The following COX7B2 variants were observed in gnomAD, a reference collection of about 807,000 sequenced individuals.
The protein encoded by COX7B2 is cytochrome c oxidase subunit 7B2.
For synonymous variants in COX7B2, 37 were observed against 32.1 expected (o/e 1.15, Z -0.51); for missense variants, 109 against 95.9 (o/e 1.14, Z -0.57).
rs192808502 is a variant in COX7B2, at chr4:46,781,253, G to C, written c.-49-46012C>G. 5.5e-3 allele frequency among the ~76,000 whole-genome samples: 833 copies of C among 152,234 alleles called. 6 individuals carry two copies. The highest frequency in any genetic ancestry group is 8.7e-3 in the Non-Finnish European group (595 of 68,018). On this transcript the variant is annotated intron_variant, in intron 2 of 2. Coordinates refer to ENST00000355591, the MANE Select transcript of COX7B2 (RefSeq NM_130902.3). ...ATACCATTTAATATACTTATATACTGCTATTCGGATAATAGACCCCTTCCC... is the reference window on the plus strand; with the variant it reads ...ATACCATTTAATATACTTATATACTCCTATTCGGATAATAGACCCCTTCCC...
At chr4:46,775,366 G>T (rs897032472) in intron 2 of COX7B2, among the ~76,000 whole-genome samples, 1 of 152,008 alleles carries the variant, frequency 6.6e-6, no homozygotes, top group African/African-American at 2.4e-5. Context: ...TAACAAAATT[G>T]CAAAAAGTCA....
At chr4:46,828,167 G>A (rs980240726) in intron 2 of COX7B2, among the ~76,000 whole-genome samples, 6 of 152,080 alleles carry the variant, frequency 3.9e-5, no homozygotes, top group African/African-American at 9.7e-5. Flanking sequence ...GAAAACTTCT[G>A]CTCAATGTAA....
chr4:46,778,874 A>T (rs1232629248), intron 2 of COX7B2, among the ~76,000 whole-genome samples: 3 of 152,194 alleles, frequency 2.0e-5, no homozygotes, highest in Admixed American at 6.5e-5. Context: ...CTTTAAAACA[A>T]TAATATTTTA....
chr4:46,787,590 T>TA (rs1717818258), intron 2 of COX7B2, among the ~76,000 whole-genome samples: 6 of 152,304 alleles, frequency 3.9e-5, no homozygotes, highest in Admixed American at 3.3e-4. Context: ...TGGGAACTGA[T>TA]AAAGTATTGA....
intron 2 of COX7B2, among the ~76,000 whole-genome samples, chr4:46,813,492 G>T (rs1387333042): frequency 6.6e-6 from 1 of 152,170 alleles, no homozygotes; most frequent in Non-Finnish European, 1.5e-5. Flanking sequence ...ACTCGTAAGT[G>T]GGAGCTGAAC....
At chr4:46,809,295 T>A (rs1719165372) in intron 2 of COX7B2, among the ~76,000 whole-genome samples, 1 of 151,816 alleles carries the variant, frequency 6.6e-6, no homozygotes, top group African/African-American at 2.4e-5. Flanking sequence ...TTTATTTCTA[T>A]TCTGATGTTT....
At chr4:46,856,686 A>C (rs1214570445) in intron 1 of COX7B2, among the ~76,000 whole-genome samples, 2 of 152,200 alleles carry the variant, frequency 1.3e-5, no homozygotes, top group African/African-American at 2.4e-5. Context: ...GAAAAGGGTG[A>C]AATTAATAGT....
chr4:46,822,624 A>T (rs1313389716), intron 2 of COX7B2, among the ~76,000 whole-genome samples: 1 of 152,180 alleles, frequency 6.6e-6, no homozygotes, highest in Non-Finnish European at 1.5e-5. Flanking sequence ...ATTCTATTTT[A>T]AAATGGCCTT....
intron 2 of COX7B2, among the ~76,000 whole-genome samples, chr4:46,827,233 G>A (rs937022694): frequency 2.0e-5 from 3 of 151,642 alleles, no homozygotes; most frequent in Non-Finnish European, 4.4e-5. Flanking sequence ...AGAAAGAAAG[G>A]AAAAAGCTAT....
At chr4:46,740,285 A>G (rs1474918051) in intron 2 of COX7B2, among the ~76,000 whole-genome samples, 1 of 152,110 alleles carries the variant, frequency 6.6e-6, no homozygotes, top group African/African-American at 2.4e-5. Flanking sequence ...TGATCACTAC[A>G]AACAGTGTTA....
chr4:46,891,436 A>C (rs1052017549), intron 1 of COX7B2, among the ~76,000 whole-genome samples: 3 of 152,152 alleles, frequency 2.0e-5, no homozygotes, highest in African/African-American at 7.2e-5. Context: ...CTAGCAGAAA[A>C]TATTGACAGG....
At chr4:46,782,355 C>G (rs1486392600) in intron 2 of COX7B2, among the ~76,000 whole-genome samples, 1 of 151,182 alleles carries the variant, frequency 6.6e-6, no homozygotes, top group Non-Finnish European at 1.5e-5. Context: ...TGTAAATGCA[C>G]CAATCAGTGC....
At chr4:46,836,436 C>T (rs1166419745) in intron 2 of COX7B2, among the ~76,000 whole-genome samples, 1 of 151,512 alleles carries the variant, frequency 6.6e-6, no homozygotes, top group Non-Finnish European at 1.5e-5. Flanking sequence ...GAGTTAGGAT[C>T]ATCAATATTA....
chr4:46,741,631 T>C (rs1560345092), intron 2 of COX7B2, among the ~76,000 whole-genome samples: 1 of 152,072 alleles, frequency 6.6e-6, no homozygotes, highest in Non-Finnish European at 1.5e-5. Flanking sequence ...CATCAACATT[T>C]TTCCTGAACT....
chr4:46,753,130 C>T (rs1715506954), intron 2 of COX7B2, among the ~76,000 whole-genome samples: 1 of 152,080 alleles, frequency 6.6e-6, no homozygotes, highest in African/African-American at 2.4e-5. Flanking sequence ...TCAACTTCTT[C>T]CTGGTTTAGT....
At chr4:46,887,875 G>T (rs1007092719) in intron 1 of COX7B2, among the ~76,000 whole-genome samples, 3 of 152,058 alleles carry the variant, frequency 2.0e-5, no homozygotes, top group South Asian at 2.1e-4. Flanking sequence ...ATGAAAAAAA[G>T]GTTGGGAGTT....
chr4:46,907,001 C>T (rs1469779911), intron 1 of COX7B2, among the ~76,000 whole-genome samples: 1 of 152,206 alleles, frequency 6.6e-6, no homozygotes, highest in Non-Finnish European at 1.5e-5. Flanking sequence ...ACAGATTTCC[C>T]TAGTCTTAGT....
chr4:46,804,536 G>T (rs1718869917), intron 2 of COX7B2, among the ~76,000 whole-genome samples: 1 of 152,094 alleles, frequency 6.6e-6, no homozygotes, highest in East Asian at 1.9e-4. Context: ...TACAGAGTGT[G>T]GACACAAAGG....
chr4:46,787,671 G>A (rs1332707640), intron 2 of COX7B2, among the ~76,000 whole-genome samples: 1 of 152,140 alleles, frequency 6.6e-6, no homozygotes, highest in African/African-American at 2.4e-5. Flanking sequence ...GAGATGCAAG[G>A]GCTAAGGAAA....
Sources: allele counts gnomAD v4.1 joint callset (sites outside exome capture counted in the v4.1 genomes callset), GRCh38; gene constraint gnomAD v4.1.1; transcripts MANE v1.5; gene names NCBI Gene and HGNC (gene_info 2026-07-23, HGNC 2026-07-21).